The following FBH1 variants were observed in gnomAD, a reference collection of about 807,000 sequenced individuals.
FBH1 encodes F-box DNA helicase 1, also known as DNA 3'-5' helicase 1.
FBH1 carries 43 observed loss-of-function variants against 115.5 expected under a neutral mutation model. The observed-to-expected ratio is 0.37, with a 90% confidence interval of 0.29 to 0.48. FBH1 has a LOEUF of 0.48. FBH1 is among the 20% of genes least tolerant of loss of function. The probability of loss-of-function intolerance (pLI) is 0.99; values close to 1 mark genes in which losing one functional copy is unlikely to be tolerated. For synonymous variants in FBH1, 524 were observed against 507.8 expected (o/e 1.03, Z -0.43); for missense variants, 1,001 against 1,337.3 (o/e 0.75, Z 3.92).
At chr10:5,896,935 T>G (rs1843044999) in intron 1 of FBH1, among the ~76,000 whole-genome samples, 1 of 152,176 alleles carries the variant, frequency 6.6e-6, no homozygotes, top group Non-Finnish European at 1.5e-5. Context: ...ATTTGAGCAT[T>G]CTTATTTTGA....
rs777546393 is a variant in FBH1 at position 5,906,339 on chromosome 10, G to C, written c.460G>C (p.Val154Leu). Residue 154 changes from valine to leucine, a missense_variant, in exon 3 of 21, where the codon GTG (valine) becomes CTG (leucine). This residue lies in a region of FBH1 where 420 missense variants were observed against 430.4 expected (regional missense o/e 0.98). Coordinates refer to ENST00000362091, the MANE Select transcript of FBH1 (RefSeq NM_178150.3). The surrounding 1 kb of genome is among the most constrained non-coding windows in gnomAD (Gnocchi z 7.3). ...SKKAPRHHLS[V>L]PCTRPREARQ... ...GAAAGCTCCACGGCACCATTTGTCTGTGCCATGCACAAGGCCTAGGGAGGC... is the reference window on the plus strand; with the variant it reads ...GAAAGCTCCACGGCACCATTTGTCTCTGCCATGCACAAGGCCTAGGGAGGC... The C allele has an allele frequency of 1.9e-6, 3 of 1,614,218 alleles. No individual in the cohort carries two copies. The East Asian group carries it at 6.7e-5, about 36-fold the overall frequency.
At chr10:5,905,164 A>G (rs1843618233) in intron 2 of FBH1, 1 of 152,272 alleles carries the variant, frequency 6.6e-6, no homozygotes, top group Non-Finnish European at 1.5e-5. Flanking sequence ...TATAAAGAGA[A>G]TTCTGAGTCC....
At position 5,915,371 on chromosome 10, in the gene FBH1, A is replaced by T; in HGVS notation, c.1397-32A>T. On this transcript the variant is annotated intron_variant, in intron 8 of 20. Coordinates refer to ENST00000362091, the MANE Select transcript of FBH1 (RefSeq NM_178150.3). This position sits in a 1 kb window ranked among gnomAD's most constrained non-coding sequence, Gnocchi z 5.2. ...CCCTGGGCATGTCTTGTCTGGTCAG[A>T]GGGTCACCTCCTTTCCTCCTGGCTT... 2 of 1,611,664 alleles carry T rather than the reference A, an allele frequency of 1.2e-6. No homozygotes were observed. Among genetic ancestry groups the T allele is most frequent in the Non-Finnish European group, 1.7e-6 (2 of 1,178,564 alleles).
intron 1 of FBH1, among the ~76,000 whole-genome samples, chr10:5,896,959 G>T (rs1175670209): frequency 6.6e-6 from 1 of 152,126 alleles, no homozygotes; most frequent in African/African-American, 2.4e-5. Flanking sequence ...AGTTATTTTT[G>T]AACTGCTTTT....
rs117214741 is a variant in FBH1 at position 5,936,479 on chromosome 10, G to A, written c.2853G>A (p.Leu951=). ...LAGEYFLQAE[L]TSNVLKTGVV... is the part of the protein sequence containing the mutation. ...AGGAGTACTTCTTGCAAGCAGAGCTGACAAGCAACGTCTTAAAAACAGGCG... is the reference window on the plus strand; with the variant it reads ...AGGAGTACTTCTTGCAAGCAGAGCTAACAAGCAACGTCTTAAAAACAGGCG... Residue 951 remains leucine, a synonymous_variant, in exon 20 of 21, where the codon CTG becomes CTA. Coordinates refer to ENST00000362091, the MANE Select transcript of FBH1 (RefSeq NM_178150.3). This position sits in a 1 kb window ranked among gnomAD's most constrained non-coding sequence, Gnocchi z 5.6. 8.4e-4 allele frequency: 1,348 copies of A among 1,613,958 alleles called. 20 individuals are homozygous for A. The East Asian group carries it at 0.022, about 27-fold the overall frequency.
chr10:5,890,602 GC>G (rs984137076), intron 1 of FBH1, among the ~76,000 whole-genome samples: 11 of 151,792 alleles, frequency 7.2e-5, no homozygotes, highest in African/African-American at 2.7e-4. Flanking sequence ...CCCCCGCGCT[GC>G]CCCCCGAGGC....
intron 19 of FBH1, among the ~76,000 whole-genome samples, chr10:5,927,922 A>G (rs754422923): frequency 6.6e-5 from 10 of 151,664 alleles, no homozygotes; most frequent in Non-Finnish European, 1.2e-4. Flanking sequence ...AAATACATAA[A>G]TTAGCCAGGT....
intron 18 of FBH1, among the ~76,000 whole-genome samples, chr10:5,926,502 C>A (rs916029216): frequency 6.6e-6 from 1 of 152,170 alleles, no homozygotes; most frequent in Non-Finnish European, 1.5e-5. Context: ...GGTTTTAAAT[C>A]TTAGAATAAA....
chr10:5,932,330 T>C lies in FBH1; in HGVS notation c.2830-4126T>C, dbSNP rs1833014301. ...TCATATTCTCCTTTTCCACAGAAGG[T>C]AGCATTTCAGATACACTGTTGTGTA... On this transcript the variant is annotated intron_variant, in intron 19 of 20. Transcript: ENST00000362091. The surrounding 1 kb of genome is among the most constrained non-coding windows in gnomAD (Gnocchi z 5.9). 6.6e-6 allele frequency among the ~76,000 whole-genome samples: 1 copy of C among 152,258 alleles called. No homozygotes were observed. Among genetic ancestry groups the C allele is most frequent in the Non-Finnish European group, 1.5e-5 (1 of 68,048 alleles).
intron 3 of FBH1, among the ~76,000 whole-genome samples, chr10:5,907,472 GTTTTTTTTTT>G (rs34817242): frequency 9.0e-6 from 1 of 111,200 alleles, no homozygotes; most frequent in South Asian, 2.8e-4. Flanking sequence ...GTTGTTGTTG[GTTTTTTTTTT>G]TTTTTTTTTG....
At chr10:5,919,279 A>C (rs966474508) in intron 13 of FBH1, among the ~76,000 whole-genome samples, 1 of 152,198 alleles carries the variant, frequency 6.6e-6, no homozygotes, top group African/African-American at 2.4e-5. Flanking sequence ...TGAGGTCAGG[A>C]GTTCAAGACC....
Position 5,897,842 on chromosome 10 carries a change from T to C in FBH1, c.2-5178T>C, listed in dbSNP as rs1843102135. On this transcript the variant is annotated intron_variant, in intron 1 of 20. Transcript: ENST00000362091. The surrounding 1 kb of genome is among the most constrained non-coding windows in gnomAD (Gnocchi z 4.7). ...TCTTTGTTAGATTTCTGCAAACACT[T>C]AATCTTCGCAACAAGCATTTTGGAT... 1.3e-5 allele frequency among the ~76,000 whole-genome samples: 2 copies of C among 152,232 alleles called. No individual in the cohort carries two copies.
rs1462364206 is a variant in FBH1, at chr10:5,900,647, A to G, written c.2-2373A>G. Among the ~76,000 whole-genome samples, 1 of 152,200 alleles carries G rather than the reference A, an allele frequency of 6.6e-6. No individual in the cohort carries two copies. ...TGGAAAAGTCTTAAAATATTCATGAAGTTTTTTTTTAAAAAAGCTGGTATT... is the reference window on the plus strand; with the variant it reads ...TGGAAAAGTCTTAAAATATTCATGAGGTTTTTTTTTAAAAAAGCTGGTATT... On this transcript the variant is annotated intron_variant, in intron 1 of 20. Transcript: ENST00000362091. The surrounding 1 kb of genome is among the most constrained non-coding windows in gnomAD (Gnocchi z 4.2).
At chr10:5,898,894 G>A (rs1015039042) in intron 1 of FBH1, among the ~76,000 whole-genome samples, 1 of 152,178 alleles carries the variant, frequency 6.6e-6, no homozygotes, top group African/African-American at 2.4e-5. Flanking sequence ...CTGTCTTTTC[G>A]ACTCTCAGGC....
rs138883040 is a variant in FBH1 at position 5,909,657 on chromosome 10, GACAGAAAAATTAGGGGTCTT to G, written c.1020+364_1020+383del. On this transcript the variant is annotated intron_variant, in intron 5 of 20. Coordinates refer to ENST00000362091, the MANE Select transcript of FBH1 (RefSeq NM_178150.3). This position sits in a 1 kb window ranked among gnomAD's most constrained non-coding sequence, Gnocchi z 4.4. ...TCAACAAGTTTGCTTATTTGAAAGGGACAGAAAAATTAGGGGTCTTGCTATAGTCACACAATGAGGTAATG... is the reference window on the plus strand; with the variant it reads ...TCAACAAGTTTGCTTATTTGAAAGGGGCTATAGTCACACAATGAGGTAATG... 6.4e-3 allele frequency among the ~76,000 whole-genome samples: 982 copies of G among 152,292 alleles called. 3 individuals carry two copies. The highest frequency in any genetic ancestry group is 0.011 in the Non-Finnish European group (732 of 68,028).
At chr10:5,919,391 C>T (rs907955303) in intron 13 of FBH1, among the ~76,000 whole-genome samples, 4 of 152,054 alleles carry the variant, frequency 2.6e-5, no homozygotes, top group Non-Finnish European at 5.9e-5. Flanking sequence ...GAGGCTGAGG[C>T]AGGAGAATCA....
In FBH1 at chr10:5,923,716, T is replaced by C. The variant is rs1564457551; in HGVS notation, c.2398+20T>C. On this transcript the variant is annotated intron_variant, in intron 16 of 20. Transcript: ENST00000362091. The surrounding 1 kb of genome is among the most constrained non-coding windows in gnomAD (Gnocchi z 5.7). ...GGAAACGTGAGTACCCACCTGGCCT[T>C]GGTGCATTGGAAGGACGCACCCAAG... The C allele has an allele frequency of 6.2e-7, 1 of 1,607,770 alleles. No homozygotes were observed. Among genetic ancestry groups the C allele is most frequent in the Non-Finnish European group, 8.5e-7 (1 of 1,175,618 alleles).
chr10:5,926,463 T>C (rs962236510), intron 18 of FBH1, among the ~76,000 whole-genome samples: 2 of 152,240 alleles, frequency 1.3e-5, no homozygotes, highest in African/African-American at 4.8e-5. Flanking sequence ...GTAATAAATT[T>C]GTACTTTTAG....
At position 5,937,156 on chromosome 10, in the gene FBH1, C is replaced by G; in HGVS notation, c.3008C>G (p.Ala1003Gly). The change falls in exon 21 of 21, where the codon GCG (alanine) becomes GGG (glycine). Residue 1003 changes from alanine to glycine, a missense_variant. Transcript: ENST00000362091. ...GGGGGCTACCTCTGCCACTCCTGTG[C>G]GGAGCAGCGCATCGGGCCCCTGGCG... is the stretch of plus-strand genomic sequence containing the variant. ...NKGGYLCHSCAEQRIGPLAFL... is the reference protein window; with the variant it reads ...NKGGYLCHSCGEQRIGPLAFL... 6.2e-7 allele frequency: 1 copy of G among 1,613,594 alleles called. No homozygotes were observed. The highest frequency in any genetic ancestry group is 8.5e-7 in the Non-Finnish European group (1 of 1,179,726).
Sources: gnomAD v4.1 joint callset for allele counts (sites outside exome capture counted in the v4.1 genomes callset) on GRCh38, gnomAD v4.1.1 for gene constraint, gnomAD v4.1.1 regional missense constraint, Gnocchi (gnomAD v3.1) non-coding constraint, MANE v1.5 for transcripts, NCBI Gene and HGNC (gene_info 2026-07-23, HGNC 2026-07-21) for gene names.